Variants in ZNF618 observed in about 807,000 individuals in gnomAD.
The protein encoded by ZNF618 is neural precursor cell expressed, developmentally down-regulated 10.
A neutral mutation model predicts 103.0 loss-of-function variants in ZNF618; 34 were observed. The observed-to-expected ratio is 0.33, with a 90% CI of 0.25 to 0.44. The LOEUF is 0.44. Among genes scored for constraint, ZNF618 ranks in the 20% least tolerant of loss-of-function variants. The pLI, the probability that ZNF618 is intolerant of heterozygous loss-of-function variation, is 1.00. For synonymous variants in ZNF618, 551 were observed against 542.2 expected (o/e 1.02, Z -0.23); for missense variants, 1,059 against 1,295.4 (o/e 0.82, Z 2.80).
chr9:113,902,750 G>A (rs940401505), intron 1 of ZNF618, among the ~76,000 whole-genome samples: 2 of 152,168 alleles, frequency 1.3e-5, no homozygotes, highest in Admixed American at 6.5e-5. Flanking sequence ...CCATTGTAAG[G>A]AACTACCATA....
At position 113,928,916 on chromosome 9, in the gene ZNF618, C is replaced by T. The variant is rs142658387; in HGVS notation, c.34-40201C>T. Among the ~76,000 whole-genome samples the T allele has an allele frequency of 5.2e-3, 784 of 152,208 alleles. 5 individuals are homozygous for T. Among genetic ancestry groups the T allele is most frequent in the Middle Eastern group, 0.027 (8 of 294 alleles). ...TCCCTTTATGTGAGATAGGAAGGCT[C>T]GACAGGCTGGAGTTGTCCAGTTGTC... On this transcript the variant is annotated intron_variant, in intron 1 of 14. Coordinates refer to ENST00000374126, the MANE Select transcript of ZNF618 (RefSeq NM_001318042.2).
chr9:114,024,110 A>AT (rs2134082328), intron 10 of ZNF618, among the ~76,000 whole-genome samples: 1 of 152,128 alleles, frequency 6.6e-6, no homozygotes, highest in African/African-American at 2.4e-5. Context: ...AGCTCTGTTC[A>AT]TTTTTTCAGC....
intron 1 of ZNF618, among the ~76,000 whole-genome samples, chr9:113,951,637 C>A (rs1044368739): frequency 6.7e-6 from 1 of 149,876 alleles, no homozygotes; most frequent in Admixed American, 6.7e-5. Context: ...ATACTCCTCT[C>A]CCATTAACTC....
At chr9:114,043,653 C>G (rs1207612423) in intron 13 of ZNF618, among the ~76,000 whole-genome samples, 2 of 152,144 alleles carry the variant, frequency 1.3e-5, no homozygotes, top group African/African-American at 4.8e-5. Context: ...TGTGCTAGTT[C>G]ACATTCCCAC....
chr9:113,948,948 C>T (rs1835295363), intron 1 of ZNF618, among the ~76,000 whole-genome samples: 1 of 152,236 alleles, frequency 6.6e-6, no homozygotes, highest in Non-Finnish European at 1.5e-5. Flanking sequence ...GCTATGAGAT[C>T]ATCTGTTCTC....
At position 113,894,591 on chromosome 9, in the gene ZNF618, C is replaced by T. The variant is rs569019950; in HGVS notation, c.33+18178C>T. Among the ~76,000 whole-genome samples, 9 of 152,216 alleles carry T rather than the reference C, an allele frequency of 5.9e-5. No homozygotes were observed. The South Asian group carries it at 1.2e-3, about 21-fold the overall frequency. ...AGGACAATATTATGTTTTTTCCACC[C>T]GGTAACATGGTCTGTTTCTTTATTC... On this transcript the variant is annotated intron_variant, in intron 1 of 14. Transcript: ENST00000374126.
At chr9:114,000,067 G>A (rs915539204) in intron 4 of ZNF618, among the ~76,000 whole-genome samples, 1 of 152,182 alleles carries the variant, frequency 6.6e-6, no homozygotes, top group Admixed American at 6.5e-5. Context: ...CCACGTGATT[G>A]TATTTTTCCC....
rs1301434675 is a variant in ZNF618 at position 114,002,625 on chromosome 9, C to T, written c.513C>T (p.Asp171=). Reference sequence around the variant, plus strand: ...ATCCCTCTCTCTCTCTCTTTGCAGACACCGAAGCCACCTCAGGGGAGGGAG... The same window carrying T: ...ATCCCTCTCTCTCTCTCTTTGCAGATACCGAAGCCACCTCAGGGGAGGGAG... The part of the protein sequence containing the change: ...CFQTHVRAHR[D]TEATSGEGAS... Residue 171 remains aspartate (D), a splice_region_variant and synonymous_variant, in exon 6 of 15, where the codon GAC becomes GAT. Coordinates refer to ENST00000374126, the MANE Select transcript of ZNF618 (RefSeq NM_001318042.2). 1 of 1,610,624 alleles carries T rather than the reference C, an allele frequency of 6.2e-7. No homozygotes were observed. The highest frequency in any genetic ancestry group is 1.1e-5 in the South Asian group (1 of 90,914).
intron 1 of ZNF618, among the ~76,000 whole-genome samples, chr9:113,892,618 CA>C (rs1241848286): frequency 4.6e-5 from 7 of 152,054 alleles, no homozygotes; most frequent in Non-Finnish European, 1.0e-4. Flanking sequence ...GCAATATATG[CA>C]TAAGTGGTCA....
chr9:113,936,613 G>T lies in ZNF618; in HGVS notation c.34-32504G>T, dbSNP rs1834048150. On this transcript the variant is annotated intron_variant, in intron 1 of 14. Coordinates refer to ENST00000374126, the MANE Select transcript of ZNF618 (RefSeq NM_001318042.2). ...CAAAGGTCCCCTCTGAAGCTCGTCT[G>T]TGTACTACAGTAAGAATAGTACCAT... Among the ~76,000 whole-genome samples the T allele has an allele frequency of 2.6e-5, 4 of 152,208 alleles. No homozygotes were observed. In the South Asian group the frequency reaches 8.3e-4, roughly 32 times the overall value.
At chr9:113,955,548 T>A (rs547494557) in intron 1 of ZNF618, among the ~76,000 whole-genome samples, 1 of 152,246 alleles carries the variant, frequency 6.6e-6, no homozygotes, top group East Asian at 1.9e-4. Context: ...CCCCCTATTT[T>A]CCTGGGCTGT....
chr9:114,048,131 C>T, intron 14 of ZNF618, 137 bp downstream of exon 14: 3 of 761,034 alleles, frequency 3.9e-6, no homozygotes, highest in Non-Finnish European at 6.3e-6. Context: ...CACTTTTACA[C>T]CTAAGACCTT....
intron 1 of ZNF618, among the ~76,000 whole-genome samples, chr9:113,956,374 A>G (rs1836298333): frequency 6.6e-6 from 1 of 152,142 alleles, no homozygotes; most frequent in South Asian, 2.1e-4. Context: ...ATCTTTCTCA[A>G]CACATGGTCC....
intron 1 of ZNF618, among the ~76,000 whole-genome samples, chr9:113,917,046 A>G (rs1564167267): frequency 6.6e-6 from 1 of 152,048 alleles, no homozygotes; most frequent in Non-Finnish European, 1.5e-5. Context: ...AGCTCCCACC[A>G]AGGCAGGAAT....
At chr9:113,934,668 G>A (rs1260443370) in intron 1 of ZNF618, among the ~76,000 whole-genome samples, 2 of 152,228 alleles carry the variant, frequency 1.3e-5, no homozygotes, top group African/African-American at 4.8e-5. Flanking sequence ...AATGTACCCG[G>A]TTGGTTATGA....
At chr9:113,939,120 T>G (rs1834318125) in intron 1 of ZNF618, among the ~76,000 whole-genome samples, 1 of 152,212 alleles carries the variant, frequency 6.6e-6, no homozygotes. Context: ...CAGAATAAAT[T>G]TAAATAATAT....
intron 1 of ZNF618, among the ~76,000 whole-genome samples, chr9:113,948,098 T>A (rs1262308349): frequency 6.6e-6 from 1 of 152,130 alleles, no homozygotes; most frequent in Non-Finnish European, 1.5e-5. Context: ...CCCGCCCTCA[T>A]CTTTATTGGA....
At chr9:113,877,277 G>GA (rs1378396207) in intron 1 of ZNF618, among the ~76,000 whole-genome samples, 1 of 151,882 alleles carries the variant, frequency 6.6e-6, no homozygotes, top group Non-Finnish European at 1.5e-5. Context: ...TTTAGTTTGA[G>GA]AAAAAAACTA....
intron 9 of ZNF618, among the ~76,000 whole-genome samples, chr9:114,012,488 T>C (rs182797284): frequency 3.9e-5 from 6 of 152,226 alleles, no homozygotes; most frequent in African/African-American, 1.2e-4. Context: ...GCTATCACAT[T>C]AGGAGTTAGA....
Sources: allele counts gnomAD v4.1 joint callset (sites outside exome capture counted in the v4.1 genomes callset), GRCh38; gene constraint gnomAD v4.1.1; transcripts MANE v1.5; gene names NCBI Gene and HGNC (gene_info 2026-07-23, HGNC 2026-07-21).